ZSWIM5: variants seen among roughly 807,000 people sequenced by gnomAD.
ZSWIM5 encodes the protein zinc finger SWIM-type containing 5, also known as zinc finger SWIM domain-containing protein 5.
In ZSWIM5, 55 loss-of-function variants were observed where a neutral mutation model predicts 119.6. The ratio of observed to expected loss-of-function variants is 0.46; its 90% CI spans 0.37 to 0.58. The LOEUF (loss-of-function observed/expected upper bound fraction) is 0.58. Ranked by LOEUF, ZSWIM5 falls within the 20% of genes least tolerant of loss-of-function variation. The probability of loss-of-function intolerance (pLI) is 0.00; values close to 1 mark genes in which losing one functional copy is unlikely to be tolerated. For missense variants in ZSWIM5, 1,193 were observed against 1,512.8 expected, an observed-to-expected ratio of 0.79 and a Z score of 3.51; for synonymous variants, 537 against 606.9, an observed-to-expected ratio of 0.88 and a Z score of 1.69.
chr1:45,108,578 T>C (rs1005717026), intron 1 of ZSWIM5, among the ~76,000 whole-genome samples: 35 of 152,126 alleles, frequency 2.3e-4, no homozygotes, highest in African/African-American at 8.0e-4. Flanking sequence ...CTGTGAGTTA[T>C]ATTCTGTGCA....
intron 1 of ZSWIM5, among the ~76,000 whole-genome samples, chr1:45,170,120 T>C (rs1439215558): frequency 1.3e-5 from 2 of 152,144 alleles, no homozygotes; most frequent in Admixed American, 6.6e-5. Flanking sequence ...TGTACCTACA[T>C]TCCGAAAAAG....
Position 45,018,658 on chromosome 1 carries a change from G to A in ZSWIM5, c.3354C>T (p.Ala1118=), listed in dbSNP as rs373183135. 6.2e-7 allele frequency: 1 copy of A among 1,614,254 alleles called. No homozygotes were observed. Among genetic ancestry groups the A allele is most frequent in the Middle Eastern group, 1.6e-4 (1 of 6,062 alleles). ...LRQLLDATIN[A]YINTTHSRLT... ...GGCGTGAGTGTGTAGTGTTGATATA[G>A]GCATTGATGGTGGCATCCAGCAACT... Residue 1118 remains alanine (A), a synonymous_variant, in exon 14 of 14, where the codon GCC becomes GCT. Coordinates refer to ENST00000359600, the MANE Select transcript of ZSWIM5 (RefSeq NM_020883.2). This position sits in a 1 kb window ranked among gnomAD's most constrained non-coding sequence, Gnocchi z 6.7.
chr1:45,063,983 GA>G (rs1297677308), intron 2 of ZSWIM5, among the ~76,000 whole-genome samples: 156 of 136,974 alleles, frequency 1.1e-3, no homozygotes, highest in African/African-American at 1.2e-3. Context: ...CTCTGTCTCA[GA>G]AAAAAAAAAA....
intron 4 of ZSWIM5, among the ~76,000 whole-genome samples, chr1:45,056,656 T>C (rs1156942805): frequency 6.7e-6 from 1 of 150,236 alleles, no homozygotes; most frequent in Non-Finnish European, 1.5e-5. Flanking sequence ...CTGATGGAAA[T>C]GATCCTGTAG....
Position 45,205,846 on chromosome 1 carries a change from C to A in ZSWIM5, c.505G>T (p.Gly169Cys), listed in dbSNP as rs1408087619. 1.4e-6 allele frequency: 2 copies of A among 1,471,966 alleles called. No homozygotes were observed. The highest frequency in any genetic ancestry group is 1.2e-5 in the South Asian group (1 of 81,940). 91.2% of individuals were successfully genotyped at this position (1,471,966 alleles called of 1,614,324 possible). Residue 169 changes from glycine (G) to cysteine (C), a missense_variant, in exon 1 of 14, where the codon GGC becomes TGC. By Grantham distance (159) the Gly-to-Cys change is radical (BLOSUM62 -3). Transcript: ENST00000359600. The part of the protein sequence containing the change: ...GASPGLGAGA[G>C]AAGCGGEGLP... The stretch of plus-strand genomic sequence containing the variant: ...CCCTCGCCACCGCAGCCGGCCGCGC[C>A]GGCCCCTGCGCCCAGCCCGGGGGAT...
At chr1:45,131,592 G>T (rs112813507) in intron 1 of ZSWIM5, among the ~76,000 whole-genome samples, 53 of 152,092 alleles carry the variant, frequency 3.5e-4, no homozygotes, top group African/African-American at 1.1e-3. Context: ...GGGCACGGTG[G>T]TGTGTACCCA....
chr1:45,099,290 A>C (rs1645423257), intron 1 of ZSWIM5, among the ~76,000 whole-genome samples: 1 of 152,256 alleles, frequency 6.6e-6, no homozygotes, highest in Non-Finnish European at 1.5e-5. Context: ...AATAAACTAG[A>C]AAATCTAGAA....
At chr1:45,078,933 C>T (rs913260154) in intron 2 of ZSWIM5, among the ~76,000 whole-genome samples, 13 of 152,174 alleles carry the variant, frequency 8.5e-5, no homozygotes, top group African/African-American at 2.7e-4. Flanking sequence ...GCTAAGCCAT[C>T]GTATCCCCTG....
intron 6 of ZSWIM5, among the ~76,000 whole-genome samples, chr1:45,040,765 A>G (rs1352371530): frequency 1.3e-5 from 2 of 152,188 alleles, no homozygotes; most frequent in Non-Finnish European, 1.5e-5. Flanking sequence ...ATGGTGTAGA[A>G]AGGGACACAC....
In ZSWIM5 at chr1:45,036,064, T is replaced by C. The variant is rs1644981183; in HGVS notation, c.2130A>G (p.Gln710=). 1 of 1,614,042 alleles carries C rather than the reference T, an allele frequency of 6.2e-7. No individual in the cohort carries two copies. The change falls in exon 9 of 14, where the codon CAA becomes CAG. Residue 710 remains glutamine, a synonymous_variant. Coordinates refer to ENST00000359600, the MANE Select transcript of ZSWIM5 (RefSeq NM_020883.2). ...QLDDELVQTL[Q]KQCILLLEGG... Reference sequence around the variant, plus strand: ...CTTCCAGCAGTAAGATGCATTGTTTTTGCAGTGTTTGCACTAGCTCATCGT... The same window carrying C: ...CTTCCAGCAGTAAGATGCATTGTTTCTGCAGTGTTTGCACTAGCTCATCGT...
At chr1:45,170,457 C>T (rs1418595384) in intron 1 of ZSWIM5, among the ~76,000 whole-genome samples, 3 of 149,762 alleles carry the variant, frequency 2.0e-5, no homozygotes, top group East Asian at 3.9e-4. Flanking sequence ...CAGGGTCTTG[C>T]TCTGTCACCC....
intron 3 of ZSWIM5, among the ~76,000 whole-genome samples, chr1:45,059,397 A>G (rs1249712226): frequency 6.6e-6 from 1 of 152,228 alleles, no homozygotes. Context: ...AAGGAAGCCA[A>G]TCATAAAAGA....
intron 6 of ZSWIM5, among the ~76,000 whole-genome samples, chr1:45,042,677 T>C (rs1052415165): frequency 1.3e-5 from 2 of 152,040 alleles, no homozygotes; most frequent in African/African-American, 4.8e-5. Context: ...CAGGGACAGG[T>C]TGATTGAGGG....
At chr1:45,044,711 C>A (rs1403023313) in intron 5 of ZSWIM5, among the ~76,000 whole-genome samples, 11 of 49,700 alleles carry the variant, frequency 2.2e-4, no homozygotes, top group Middle Eastern at 0.016. Context: ...GCGACAGAGC[C>A]AGACTCCGTC....
chr1:45,049,239 C>T (rs546731112), intron 5 of ZSWIM5, among the ~76,000 whole-genome samples: 104 of 152,270 alleles, frequency 6.8e-4, no homozygotes, highest in Middle Eastern at 6.8e-3. Flanking sequence ...ACCCAGAGGT[C>T]TACAGATGAC....
At chr1:45,116,629 G>A (rs1011030541) in intron 1 of ZSWIM5, among the ~76,000 whole-genome samples, 13 of 152,096 alleles carry the variant, frequency 8.5e-5, no homozygotes, top group Non-Finnish European at 1.9e-4. Flanking sequence ...AAGGCAGTAA[G>A]GTATGGCAGG....
At chr1:45,053,907 A>G (rs762876338) in intron 4 of ZSWIM5, among the ~76,000 whole-genome samples, 1 of 152,192 alleles carries the variant, frequency 6.6e-6, no homozygotes, top group Non-Finnish European at 1.5e-5. Flanking sequence ...GAGACAAAGC[A>G]AAAAATCCTA....
chr1:45,169,071 C>T (rs1301405350), intron 1 of ZSWIM5, among the ~76,000 whole-genome samples: 1 of 152,050 alleles, frequency 6.6e-6, no homozygotes, highest in African/African-American at 2.4e-5. Flanking sequence ...ACTATCAATG[C>T]CCATCTCTTA....
intron 1 of ZSWIM5, among the ~76,000 whole-genome samples, chr1:45,101,049 C>A (rs555062857): frequency 6.6e-5 from 10 of 152,222 alleles, no homozygotes; most frequent in Admixed American, 5.2e-4. Flanking sequence ...CAAATGGGAT[C>A]TAATTAAACT....
Sources: allele counts gnomAD v4.1 joint callset (sites outside exome capture counted in the v4.1 genomes callset), GRCh38; gene constraint gnomAD v4.1.1; non-coding constraint Gnocchi (gnomAD v3.1); transcripts MANE v1.5; gene names NCBI Gene and HGNC (gene_info 2026-07-23, HGNC 2026-07-21).